PRKCH: variants seen among roughly 807,000 people sequenced by gnomAD.
PRKCH encodes the protein protein kinase C eta.
Under a neutral mutation model 82.5 loss-of-function variants are expected in PRKCH, and 28 were observed. The ratio of observed to expected loss-of-function variants is 0.34; its 90% CI spans 0.25 to 0.47. The LOEUF (loss-of-function observed/expected upper bound fraction) is 0.47. Ranked by LOEUF, PRKCH falls within the 20% of genes least tolerant of loss-of-function variation. The pLI is 1.00. For synonymous variants in PRKCH, 322 were observed against 327.4 expected, an observed-to-expected ratio of 0.98 and a Z score of 0.18; for missense variants, 705 against 881.8, an observed-to-expected ratio of 0.80 and a Z score of 2.54.
Position 61,470,865 on chromosome 14 carries a change from G to A in PRKCH, c.1278+13186G>A, listed in dbSNP as rs17098433. Among the ~76,000 whole-genome samples the A allele has an allele frequency of 0.019, 2,818 of 152,088 alleles. 178 individuals carry two copies. In the East Asian group the frequency reaches 0.24, roughly 13 times the overall value. ...AAATTCTTCCCTCCTCTCCATACAC[G>A]TTTTTCCGTCGCTGTGCAGTGAATC... On this transcript the variant is annotated intron_variant, in intron 9 of 13. Coordinates refer to ENST00000332981, the MANE Select transcript of PRKCH (RefSeq NM_006255.5).
At chr14:61,451,703 C>T (rs1171678663) in intron 6 of PRKCH, among the ~76,000 whole-genome samples, 1 of 152,126 alleles carries the variant, frequency 6.6e-6, no homozygotes, top group Non-Finnish European at 1.5e-5. Flanking sequence ...ATGTAATGAT[C>T]TGACTGCCGT....
chr14:61,484,059 G>A (rs941616907), intron 9 of PRKCH, among the ~76,000 whole-genome samples: 5 of 152,010 alleles, frequency 3.3e-5, no homozygotes, highest in Admixed American at 3.3e-4. Context: ...ATAATGATAG[G>A]TTCTGTGTAT....
chr14:61,529,067 T>A lies in PRKCH; in HGVS notation c.1434-8T>A. On this transcript the variant is annotated splice_region_variant and splice_polypyrimidine_tract_variant and intron_variant, in intron 10 of 13. Coordinates refer to ENST00000332981, the MANE Select transcript of PRKCH (RefSeq NM_006255.5). ...GCCCTATCTCGTGCTGCTCTTTGTA[T>A]CTTTCAGAGATCTGAAACTGGACAA... 2 of 1,610,106 alleles carry A rather than the reference T, an allele frequency of 1.2e-6. No homozygotes were observed. The highest frequency in any genetic ancestry group is 1.7e-6 in the Non-Finnish European group (2 of 1,177,872).
At chr14:61,386,319 G>A (rs996786700) in intron 1 of PRKCH, among the ~76,000 whole-genome samples, 10 of 152,212 alleles carry the variant, frequency 6.6e-5, no homozygotes, top group Non-Finnish European at 4.4e-5. Flanking sequence ...CGGTTTCTAA[G>A]TTAGGAAGCC....
At chr14:61,212,266 G>A (rs1340571430) in intron 1 of PRKCH, among the ~76,000 whole-genome samples, 1 of 152,194 alleles carries the variant, frequency 6.6e-6, no homozygotes, top group African/African-American at 2.4e-5. Context: ...CTAGATCACT[G>A]AAAGAATTGC....
intron 10 of PRKCH, among the ~76,000 whole-genome samples, chr14:61,509,654 G>A (rs971235549): frequency 1.2e-4 from 19 of 152,164 alleles, no homozygotes; most frequent in African/African-American, 4.1e-4. Flanking sequence ...GGAGGCCAGC[G>A]TGGGCAGATC....
At chr14:61,470,349 C>T (rs910145585) in intron 9 of PRKCH, among the ~76,000 whole-genome samples, 2 of 151,670 alleles carry the variant, frequency 1.3e-5, no homozygotes, top group African/African-American at 4.9e-5. Context: ...TTTCTCATCC[C>T]GCTGGCAAGA....
At chr14:61,540,440 G>C (rs575124769) in intron 12 of PRKCH, among the ~76,000 whole-genome samples, 2 of 152,176 alleles carry the variant, frequency 1.3e-5, no homozygotes, top group Admixed American at 1.3e-4. Flanking sequence ...GAAGTCTAGC[G>C]TAGGGACTGA....
At chr14:61,289,748 C>T (rs564061967) in intron 1 of PRKCH, among the ~76,000 whole-genome samples, 1 of 152,150 alleles carries the variant, frequency 6.6e-6, no homozygotes, top group African/African-American at 2.4e-5. Context: ...CACAATAGAA[C>T]AACATGCAAA....
At chr14:61,469,185 C>T (rs1201078724) in intron 9 of PRKCH, among the ~76,000 whole-genome samples, 2 of 152,212 alleles carry the variant, frequency 1.3e-5, no homozygotes, top group African/African-American at 4.8e-5. Flanking sequence ...AATCCTACTG[C>T]CTTGGCCTCC....
At chr14:61,309,153 C>T (rs932600270) in intron 1 of PRKCH, among the ~76,000 whole-genome samples, 2 of 151,862 alleles carry the variant, frequency 1.3e-5, no homozygotes, top group African/African-American at 4.8e-5. Context: ...TGTGGTGGCA[C>T]AAGCCTGTAG....
At chr14:61,260,436 T>A (rs549356609) in intron 1 of PRKCH, among the ~76,000 whole-genome samples, 1 of 152,298 alleles carries the variant, frequency 6.6e-6, no homozygotes, top group East Asian at 1.9e-4. Context: ...CTATTAAACA[T>A]TTATTGAGGG....
chr14:61,510,585 A>C (rs975482177), intron 10 of PRKCH, among the ~76,000 whole-genome samples: 1 of 152,118 alleles, frequency 6.6e-6, no homozygotes, highest in Non-Finnish European at 1.5e-5. Flanking sequence ...TTGTGTTTAA[A>C]GAAACACTTC....
At chr14:61,485,844 C>T (rs551698170) in intron 10 of PRKCH, among the ~76,000 whole-genome samples, 188 bp downstream of exon 10, 1 of 152,274 alleles carries the variant, frequency 6.6e-6, no homozygotes, top group South Asian at 2.1e-4. Flanking sequence ...TGCAGTGGCG[C>T]AATCATGGCT....
chr14:61,405,941 C>T (rs575303376), intron 2 of PRKCH, among the ~76,000 whole-genome samples: 67 of 152,178 alleles, frequency 4.4e-4, no homozygotes, highest in African/African-American at 1.6e-3. Context: ...ATAGGACCTT[C>T]AAAAAATATG....
intron 1 of PRKCH, among the ~76,000 whole-genome samples, chr14:61,291,349 G>A (rs1269262461): frequency 2.7e-5 from 1 of 37,050 alleles, no homozygotes; most frequent in Non-Finnish European, 5.1e-5. Flanking sequence ...TTTTTTTTTT[G>A]AGACGGAGTC....
intron 1 of PRKCH, among the ~76,000 whole-genome samples, chr14:61,283,525 CTT>C (rs1283883546): frequency 2.0e-5 from 3 of 151,972 alleles, no homozygotes; most frequent in Admixed American, 6.6e-5. Context: ...GGAAGACACT[CTT>C]TTTTTATTTT....
chr14:61,425,999 A>G (rs1466820620), intron 2 of PRKCH, among the ~76,000 whole-genome samples: 1 of 152,194 alleles, frequency 6.6e-6, no homozygotes, highest in African/African-American at 2.4e-5. Flanking sequence ...CCCTTCTGCC[A>G]TGATTGTAAG....
intron 2 of PRKCH, among the ~76,000 whole-genome samples, chr14:61,405,984 A>C (rs1346472627): frequency 6.6e-6 from 1 of 152,146 alleles, no homozygotes; most frequent in African/African-American, 2.4e-5. Context: ...AAAGCAATGG[A>C]ATTATTTGAG....
Sources: gnomAD v4.1 joint callset for allele counts (sites outside exome capture counted in the v4.1 genomes callset) on GRCh38, gnomAD v4.1.1 for gene constraint, MANE v1.5 for transcripts, NCBI Gene and HGNC (gene_info 2026-07-23, HGNC 2026-07-21) for gene names.